The following L3MBTL4 variants were observed in gnomAD, a reference collection of about 807,000 sequenced individuals.
L3MBTL4 encodes L3MBTL histone methyl-lysine binding protein 4.
L3MBTL4 carries 70 observed loss-of-function variants against 84.5 expected under a neutral mutation model. The ratio of observed to expected loss-of-function variants is 0.83; its 90% confidence interval spans 0.68 to 1.01. L3MBTL4 has a LOEUF of 1.01. L3MBTL4 is among the 50% of genes least tolerant of loss of function. The pLI, the probability that L3MBTL4 is intolerant of heterozygous loss-of-function variation, is 0.00. For missense variants in L3MBTL4, 715 were observed against 754.8 expected (o/e 0.95, Z 0.62); for synonymous variants, 274 against 259.8 (o/e 1.05, Z -0.52).
chr18:6,233,259 C>T (rs1317560621), intron 10 of L3MBTL4, among the ~76,000 whole-genome samples: 1 of 150,502 alleles, frequency 6.6e-6, no homozygotes, highest in African/African-American at 2.5e-5. Context: ...AAAACTGGCA[C>T]AAGGCAGGGA....
chr18:5,958,812 A>C (rs186700041), intron 18 of L3MBTL4, among the ~76,000 whole-genome samples: 17 of 152,326 alleles, frequency 1.1e-4, no homozygotes, highest in Admixed American at 8.5e-4. Context: ...GAGGGATAAG[A>C]GGGGTTCAGC....
chr18:6,077,912 C>G (rs957105185), intron 16 of L3MBTL4, among the ~76,000 whole-genome samples: 3 of 151,928 alleles, frequency 2.0e-5, no homozygotes, highest in Non-Finnish European at 4.4e-5. Context: ...ACCTGTAGTT[C>G]CAGCTACTCG....
intron 5 of L3MBTL4, among the ~76,000 whole-genome samples, chr18:6,247,466 ATTTTTTTT>A (rs71163266): frequency 6.0e-4 from 30 of 49,636 alleles, no homozygotes; most frequent in African/African-American, 2.0e-3. Context: ...CCCTCCTCTG[ATTTTTTTT>A]TTTTTTTTTT....
At chr18:6,137,378 A>C (rs1412445828) in intron 14 of L3MBTL4, among the ~76,000 whole-genome samples, 1 of 152,218 alleles carries the variant, frequency 6.6e-6, no homozygotes, top group African/African-American at 2.4e-5. Flanking sequence ...ATTCAGTTAA[A>C]AATGTTTTAG....
chr18:6,390,017 G>C (rs926355886), intron 1 of L3MBTL4, among the ~76,000 whole-genome samples: 2 of 152,016 alleles, frequency 1.3e-5, no homozygotes, highest in African/African-American at 4.8e-5. Flanking sequence ...ACAGCACATG[G>C]AGCATTCTCC....
At chr18:6,284,694 T>TC (rs1444070932) in intron 4 of L3MBTL4, among the ~76,000 whole-genome samples, 2 of 150,638 alleles carry the variant, frequency 1.3e-5, no homozygotes, top group Non-Finnish European at 3.0e-5. Context: ...CCTCATCCTC[T>TC]CGGCCTTCTC....
intron 1 of L3MBTL4, chr18:6,397,105 CAG>C (rs1238809129): frequency 6.6e-6 from 1 of 152,140 alleles, no homozygotes; most frequent in Admixed American, 6.5e-5. Flanking sequence ...ACACCAAAGA[CAG>C]AGAGGAAAGG....
chr18:6,317,530 T>C (rs182639825), intron 1 of L3MBTL4, among the ~76,000 whole-genome samples: 52 of 152,268 alleles, frequency 3.4e-4, no homozygotes, highest in Non-Finnish European at 5.9e-4. Flanking sequence ...ATAAGGCTTT[T>C]GTTCACCCAA....
In L3MBTL4 at chr18:6,253,836, C is replaced by T. The variant is rs542305852; in HGVS notation, c.220-9248G>A. ...CCTTCCTTGCTTTTTCCTTGAGAAACTTTATGATCTTTACCTGAGTTAACA... is the reference window on the plus strand; with the variant it reads ...CCTTCCTTGCTTTTTCCTTGAGAAATTTTATGATCTTTACCTGAGTTAACA... On this transcript the variant is annotated intron_variant, in intron 5 of 18. Transcript: ENST00000317931. 8.5e-5 allele frequency among the ~76,000 whole-genome samples: 13 copies of T among 152,288 alleles called. No individual in the cohort carries two copies. In the South Asian group the frequency reaches 2.1e-3, roughly 24 times the overall value.
At chr18:6,200,225 A>G (rs1483152017) in intron 12 of L3MBTL4, among the ~76,000 whole-genome samples, 1 of 152,248 alleles carries the variant, frequency 6.6e-6, no homozygotes, top group East Asian at 1.9e-4. Context: ...AGATGCAATT[A>G]TATTTTGTAT....
intron 1 of L3MBTL4, among the ~76,000 whole-genome samples, chr18:6,317,827 G>T (rs1192940366): frequency 6.6e-6 from 1 of 152,056 alleles, no homozygotes; most frequent in East Asian, 1.9e-4. Flanking sequence ...CAACATGAAG[G>T]AAAGAATTCT....
chr18:5,987,891 TA>T (rs11331646), intron 16 of L3MBTL4, among the ~76,000 whole-genome samples: 29,552 of 148,320 alleles, frequency 0.2, 4,802 homozygotes, highest in African/African-American at 0.44. Context: ...ATTCCCTGTT[TA>T]AAAAAAAAAA....
intron 12 of L3MBTL4, among the ~76,000 whole-genome samples, chr18:6,185,318 C>A (rs896525943): frequency 6.6e-6 from 1 of 152,222 alleles, no homozygotes; most frequent in African/African-American, 2.4e-5. Flanking sequence ...ACCCAATATG[C>A]TCCCTTCTCC....
chr18:6,298,902 C>A (rs1209704145), intron 4 of L3MBTL4, among the ~76,000 whole-genome samples: 3 of 151,938 alleles, frequency 2.0e-5, no homozygotes, highest in Non-Finnish European at 4.4e-5. Context: ...ACAAAACAAA[C>A]CCTCAATGCC....
chr18:6,313,738 A>T (rs1018789628), intron 1 of L3MBTL4, among the ~76,000 whole-genome samples: 1 of 152,186 alleles, frequency 6.6e-6, no homozygotes, highest in Non-Finnish European at 1.5e-5. Context: ...ATCAAAAATG[A>T]TCTGCCTTGA....
intron 16 of L3MBTL4, among the ~76,000 whole-genome samples, chr18:6,057,781 A>T (rs2057077235): frequency 6.6e-6 from 1 of 152,218 alleles, no homozygotes; most frequent in South Asian, 2.1e-4. Flanking sequence ...AAAATGATAC[A>T]CGGTGTACCC....
At chr18:6,321,922 A>G (rs568987416) in intron 1 of L3MBTL4, among the ~76,000 whole-genome samples, 2 of 152,276 alleles carry the variant, frequency 1.3e-5, no homozygotes, top group Admixed American at 1.3e-4. Context: ...GGGGTGAGGG[A>G]GAAAAAAAAA....
At chr18:5,970,902 C>T (rs1273626614) in intron 16 of L3MBTL4, among the ~76,000 whole-genome samples, 1 of 152,230 alleles carries the variant, frequency 6.6e-6, no homozygotes, top group Non-Finnish European at 1.5e-5. Context: ...CTGGGCTTCT[C>T]TGTGCAACAC....
chr18:6,055,441 C>T (rs1464056660), intron 16 of L3MBTL4, among the ~76,000 whole-genome samples: 1 of 152,104 alleles, frequency 6.6e-6, no homozygotes, highest in Non-Finnish European at 1.5e-5. Context: ...TTCACCTGAC[C>T]AGATATATTT....
Sources: allele counts gnomAD v4.1 joint callset (sites outside exome capture counted in the v4.1 genomes callset), GRCh38; gene constraint gnomAD v4.1.1; transcripts MANE v1.5; gene names NCBI Gene and HGNC (gene_info 2026-07-23, HGNC 2026-07-21).